SLC25A26: variants seen among roughly 807,000 people sequenced by gnomAD.
SLC25A26 encodes the protein solute carrier family 25 member 26, also known as mitochondrial S-adenosylmethionine carrier protein.
Under a neutral mutation model 37.8 loss-of-function variants are expected in SLC25A26, and 36 were observed. That is an observed-to-expected ratio of 0.95 (90% CI 0.73 to 1.26). SLC25A26 has a LOEUF of 1.26. SLC25A26 is among the 50% of genes most tolerant of loss of function. The probability of loss-of-function intolerance (pLI) is 0.00; values close to 1 mark genes in which losing one functional copy is unlikely to be tolerated. For synonymous variants in SLC25A26, 129 were observed against 122.5 expected (o/e 1.05, Z -0.35); for missense variants, 390 against 331.1 (o/e 1.18, Z -1.38).
intron 7 of SLC25A26, among the ~76,000 whole-genome samples, chr3:66,368,915 G>T (rs1700181294): frequency 6.6e-6 from 1 of 151,850 alleles, no homozygotes; most frequent in Non-Finnish European, 1.5e-5. Context: ...CTACTCAGGA[G>T]GAGGCTAAGG....
At chr3:66,212,740 T>C (rs1207392451) in intron 1 of SLC25A26, among the ~76,000 whole-genome samples, 1 of 152,198 alleles carries the variant, frequency 6.6e-6, no homozygotes, top group African/African-American at 2.4e-5. Context: ...CATATAATAT[T>C]GGTCTTTTTG....
At chr3:66,258,123 C>T (rs138220811) in intron 3 of SLC25A26, among the ~76,000 whole-genome samples, 100 of 152,268 alleles carry the variant, frequency 6.6e-4, no homozygotes, top group Non-Finnish European at 1.0e-3. Flanking sequence ...ATGTTCCTAA[C>T]GCTTTGCTAG....
chr3:66,196,769 C>T (rs937184815), intron 1 of SLC25A26, among the ~76,000 whole-genome samples: 232 of 152,194 alleles, frequency 1.5e-3, no homozygotes, highest in Middle Eastern at 6.8e-3. Context: ...ATATAATCAA[C>T]CATCTACATT....
chr3:66,327,463 T>G (rs2075866370), intron 5 of SLC25A26, among the ~76,000 whole-genome samples: 1 of 152,176 alleles, frequency 6.6e-6, no homozygotes, highest in Admixed American at 6.5e-5. Context: ...CATAAATATA[T>G]AATACATTGA....
rs150255037 is a variant in SLC25A26, at chr3:66,273,454, A to T, written c.453+10075A>T. Among the ~76,000 whole-genome samples, 462 of 152,204 alleles carry T rather than the reference A, an allele frequency of 3.0e-3. 3 individuals carry two copies. The highest frequency in any genetic ancestry group is 0.017 in the East Asian group (88 of 5,170). The stretch of plus-strand genomic sequence containing the variant: ...TTTTGGTTGGTAAGCTATTATTGCC[A>T]CAATTTCAGATCCTGTTATTGGTCG... On this transcript the variant is annotated intron_variant, in intron 5 of 9. Transcript: ENST00000354883.
chr3:66,197,508 TGGGGTC>T (rs1483738311), intron 1 of SLC25A26, among the ~76,000 whole-genome samples: 18 of 152,006 alleles, frequency 1.2e-4, no homozygotes, highest in African/African-American at 3.9e-4. Flanking sequence ...AGATCAGGGA[TGGGGTC>T]AGGGTCAGGG....
At chr3:66,162,404 C>G (rs551577551) in intron 1 of SLC25A26, among the ~76,000 whole-genome samples, 24 of 144,976 alleles carry the variant, frequency 1.7e-4, no homozygotes, top group Admixed American at 1.5e-3. Context: ...GCCAAAAACA[C>G]AGGAGAAGTG....
chr3:66,162,969 G>C (rs2070380685), intron 1 of SLC25A26, among the ~76,000 whole-genome samples: 1 of 152,198 alleles, frequency 6.6e-6, no homozygotes, highest in Non-Finnish European at 1.5e-5. Context: ...GCCTGGATTG[G>C]AACTCTGGCC....
intron 5 of SLC25A26, among the ~76,000 whole-genome samples, chr3:66,306,427 C>T (rs562187911): frequency 6.6e-6 from 1 of 152,046 alleles, no homozygotes; most frequent in Non-Finnish European, 1.5e-5. Flanking sequence ...TGAGAAGTGT[C>T]TTTTCATGTC....
intron 9 of SLC25A26, among the ~76,000 whole-genome samples, chr3:66,372,655 C>T (rs904205282): frequency 2.0e-5 from 3 of 152,172 alleles, no homozygotes; most frequent in African/African-American, 7.2e-5. Context: ...GCATTACAGA[C>T]AGCAGCGGTC....
chr3:66,167,714 T>C lies in SLC25A26; in HGVS notation c.-354+33730T>C, dbSNP rs369973721. ...AATATTATTTCATTCAATTCTGTCC[T>C]GCAGGCTTAATGCCCTGATGATGGG... On this transcript the variant is annotated intron_variant, in intron 1 of 10. Transcript: ENST00000676754. Among the ~76,000 whole-genome samples, 15 of 152,368 alleles carry C rather than the reference T, an allele frequency of 9.8e-5. No homozygotes were observed. The South Asian group carries it at 1.2e-3, about 13-fold the overall frequency.
intron 9 of SLC25A26, chr3:66,371,104 C>T (rs928543356): frequency 7.1e-7 from 1 of 1,400,568 alleles, no homozygotes; most frequent in Non-Finnish European, 9.3e-7. Flanking sequence ...TAAAAGCTCT[C>T]TCTGCAAGAT....
chr3:66,199,513 A>G (rs1162955071), intron 1 of SLC25A26, among the ~76,000 whole-genome samples: 1 of 151,848 alleles, frequency 6.6e-6, no homozygotes, highest in Admixed American at 6.6e-5. Flanking sequence ...AGTGACCTCA[A>G]TCCTCAACCT....
chr3:66,310,257 CT>C (rs2075340223), intron 5 of SLC25A26, among the ~76,000 whole-genome samples: 1 of 152,098 alleles, frequency 6.6e-6, no homozygotes, highest in African/African-American at 2.4e-5. Context: ...TATGTAATGC[CT>C]TTCTTTGTCT....
intron 2 of SLC25A26, among the ~76,000 whole-genome samples, chr3:66,242,834 G>A (rs889493423): frequency 2.6e-5 from 4 of 152,214 alleles, no homozygotes; most frequent in Non-Finnish European, 4.4e-5. Context: ...ATTCATCAAT[G>A]TAGTTGATTG....
chr3:66,243,341 C>G, intron 3 of SLC25A26, 29 bp downstream of exon 3: 2 of 1,121,506 alleles, frequency 1.8e-6, no homozygotes, highest in Admixed American at 1.8e-5. Context: ...GTATAAAATA[C>G]TTCAGAAATG....
At chr3:66,147,959 C>A (rs898749333) in intron 1 of SLC25A26, among the ~76,000 whole-genome samples, 12 of 151,916 alleles carry the variant, frequency 7.9e-5, no homozygotes, top group African/African-American at 2.4e-4. Flanking sequence ...GGGTTTCACC[C>A]TGTCGGCCAG....
chr3:66,272,062 C>A (rs542800436), intron 5 of SLC25A26, among the ~76,000 whole-genome samples: 1 of 152,138 alleles, frequency 6.6e-6, no homozygotes, highest in African/African-American at 2.4e-5. Context: ...ATGTAAACAC[C>A]TAAAAAATGT....
intron 1 of SLC25A26, among the ~76,000 whole-genome samples, chr3:66,188,130 A>T (rs906423179): frequency 1.3e-5 from 2 of 151,866 alleles, no homozygotes; most frequent in African/African-American, 4.8e-5. Context: ...CCTAACCTGA[A>T]CCCTCAAATG....
Sources: allele counts gnomAD v4.1 joint callset (sites outside exome capture counted in the v4.1 genomes callset), GRCh38; gene constraint gnomAD v4.1.1; transcripts MANE v1.5; gene names NCBI Gene and HGNC (gene_info 2026-07-23, HGNC 2026-07-21).